The following CPEB1 variants were observed in gnomAD, a reference collection of about 807,000 sequenced individuals.
The protein encoded by CPEB1 is cytoplasmic polyadenylation element-binding protein 1.
Under a neutral mutation model 65.8 loss-of-function variants are expected in CPEB1, and 7 were observed. That is an observed-to-expected ratio of 0.11 (90% confidence interval 0.06 to 0.20). The LOEUF is 0.20. Among genes scored for constraint, CPEB1 ranks in the 10% least tolerant of loss-of-function variants. The pLI is 1.00. For missense variants in CPEB1, 551 were observed against 712.2 expected, an observed-to-expected ratio of 0.77 and a Z score of 2.58; for synonymous variants, 262 against 260.0, an observed-to-expected ratio of 1.01 and a Z score of -0.08.
chr15:82,623,011 T>G (rs1249004874), intron 3 of CPEB1, among the ~76,000 whole-genome samples: 2 of 152,204 alleles, frequency 1.3e-5, no homozygotes, highest in Non-Finnish European at 2.9e-5. Context: ...GCGGGAGGTA[T>G]CTGGTCCCAC....
At chr15:82,581,865 A>C (rs1374666160) in intron 3 of CPEB1, among the ~76,000 whole-genome samples, 1 of 152,222 alleles carries the variant, frequency 6.6e-6, no homozygotes, top group Non-Finnish European at 1.5e-5. Context: ...TGATGGTCCC[A>C]TAGGTAAGTA....
intron 4 of CPEB1, among the ~76,000 whole-genome samples, chr15:82,569,500 C>T (rs1316565951): frequency 6.6e-6 from 1 of 152,196 alleles, no homozygotes; most frequent in African/African-American, 2.4e-5. Context: ...CACTAAAGTG[C>T]TTGGGATGGA....
chr15:82,560,448 G>A (rs1300417963), intron 4 of CPEB1, among the ~76,000 whole-genome samples: 2 of 146,398 alleles, frequency 1.4e-5, no homozygotes, highest in Non-Finnish European at 3.0e-5. Context: ...TGCCCAGGCT[G>A]GAGTGCAGTG....
chr15:82,577,769 T>A (rs901669719), intron 3 of CPEB1, among the ~76,000 whole-genome samples: 2 of 151,870 alleles, frequency 1.3e-5, no homozygotes, highest in Admixed American at 1.3e-4. Context: ...GTGATCTGCC[T>A]GCCCCAGCCT....
Position 82,577,339 on chromosome 15 carries a change from G to A in CPEB1, c.272-5807C>T, listed in dbSNP as rs191728620. Among the ~76,000 whole-genome samples the A allele has an allele frequency of 7.2e-5, 11 of 152,212 alleles. 1 individual carries two copies. Among genetic ancestry groups the A allele is most frequent in the Admixed American group, 5.9e-4 (9 of 15,292 alleles). On this transcript the variant is annotated intron_variant, in intron 3 of 12. Transcript: ENST00000684509. ...CTCTCAAAGTGCTGGGATTACATGT[G>A]TGAGCCACTGTGCCCGACTGCAAAG... is the stretch of plus-strand genomic sequence containing the variant.
At position 82,582,386 on chromosome 15, in the gene CPEB1, T is replaced by TAAGAA. The variant is rs1226962343; in HGVS notation, c.272-10859_272-10855dup. ...AAGCCCTTAATATCCTGGCACCAGC[T>TAAGAA]AAGAAAGTCAGCCACAAAAGAAAGC... is the stretch of plus-strand genomic sequence containing the variant. On this transcript the variant is annotated intron_variant, in intron 3 of 12. Coordinates refer to ENST00000684509, the MANE Select transcript of CPEB1 (RefSeq NM_001365242.1). Among the ~76,000 whole-genome samples, 4 of 152,278 alleles carry TAAGAA rather than the reference T, an allele frequency of 2.6e-5. No homozygotes were observed. In the East Asian group the frequency reaches 7.7e-4, roughly 29 times the overall value.
intron 3 of CPEB1, among the ~76,000 whole-genome samples, chr15:82,624,453 G>A (rs1054967531): frequency 6.6e-6 from 1 of 152,044 alleles, no homozygotes; most frequent in East Asian, 1.9e-4. Flanking sequence ...CACTGCCCAG[G>A]GTCAAGCTTA....
chr15:82,573,197 C>T lies in CPEB1; in HGVS notation c.272-1665G>A, dbSNP rs758385947. The T allele has an allele frequency of 3.4e-6, 5 of 1,491,878 alleles. No homozygotes were observed. The South Asian group carries it at 6.4e-5, about 19-fold the overall frequency. 92.4% of individuals were successfully genotyped at this position (1,491,878 alleles called of 1,614,324 possible). A position where few individuals can be genotyped will look rare whatever the true frequency, so the allele number is the denominator to read the frequency against. On this transcript the variant is annotated intron_variant, in intron 3 of 12. Coordinates refer to ENST00000684509, the MANE Select transcript of CPEB1 (RefSeq NM_001365242.1). Reference sequence around the variant, plus strand: ...TGTGTCCACAGGCACTCAGGCATAGCCTAGAAGGGAAAATTATCAGTCTCC... The same window carrying T: ...TGTGTCCACAGGCACTCAGGCATAGTCTAGAAGGGAAAATTATCAGTCTCC...
At chr15:82,577,893 C>T (rs2040837816) in intron 3 of CPEB1, among the ~76,000 whole-genome samples, 1 of 152,062 alleles carries the variant, frequency 6.6e-6, no homozygotes, top group Non-Finnish European at 1.5e-5. Flanking sequence ...GTAATCCCAG[C>T]ACTTTGGGAG....
At chr15:82,631,320 G>C (rs1596133886) in intron 1 of CPEB1, among the ~76,000 whole-genome samples, 1 of 151,946 alleles carries the variant, frequency 6.6e-6, no homozygotes, top group Non-Finnish European at 1.5e-5. Context: ...CAGAGCTCTA[G>C]CTTAAGATGA....
intron 3 of CPEB1, among the ~76,000 whole-genome samples, chr15:82,580,146 C>T (rs2041125842): frequency 6.6e-6 from 1 of 150,666 alleles, no homozygotes; most frequent in African/African-American, 2.4e-5. Context: ...ATGGTGAAAC[C>T]CCTTCTCTAC....
intron 3 of CPEB1, among the ~76,000 whole-genome samples, chr15:82,606,443 C>G (rs1160361282): frequency 6.8e-6 from 1 of 147,996 alleles, no homozygotes; most frequent in Non-Finnish European, 1.5e-5. Context: ...GCACTCCAAC[C>G]TGGGTGACAC....
At chr15:82,546,383 C>T in intron 12 of CPEB1, 58 bp downstream of exon 12, 2 of 1,425,648 alleles carry the variant, frequency 1.4e-6, no homozygotes, top group East Asian at 2.3e-5. Flanking sequence ...GTGTGAACCA[C>T]CGCGCCCAGC....
At chr15:82,619,336 A>G (rs901885417) in intron 3 of CPEB1, among the ~76,000 whole-genome samples, 6 of 152,232 alleles carry the variant, frequency 3.9e-5, no homozygotes, top group Admixed American at 1.3e-4. Context: ...AGGTAAAACA[A>G]CTTTAGAAAA....
chr15:82,601,881 GGAGA>G (rs1395458157), intron 3 of CPEB1, among the ~76,000 whole-genome samples: 1 of 152,094 alleles, frequency 6.6e-6, no homozygotes, highest in Non-Finnish European at 1.5e-5. Context: ...AACCCTAAAA[GGAGA>G]GATAATTGAG....
chr15:82,544,379 C>T lies in CPEB1; in HGVS notation c.*213G>A. On this transcript the variant is annotated 3_prime_UTR_variant, in exon 13 of 13. Transcript: ENST00000684509. ...GAGGGTAAGCCAGAGGGTCCTTGCCCTTGGTACACCCCCTGAAAACAAAAC... is the reference window on the plus strand; with the variant it reads ...GAGGGTAAGCCAGAGGGTCCTTGCCTTTGGTACACCCCCTGAAAACAAAAC... 1 of 516,398 alleles carries T rather than the reference C, an allele frequency of 1.9e-6. No homozygotes were observed. 32.0% of individuals were successfully genotyped at this position (516,398 alleles called of 1,614,324 possible). A position where few individuals can be genotyped will look rare whatever the true frequency, so the allele number is the denominator to read the frequency against.
intron 3 of CPEB1, chr15:82,571,786 CT>C: frequency 7.9e-7 from 1 of 1,267,904 alleles, no homozygotes; most frequent in Non-Finnish European, 9.9e-7. Flanking sequence ...TGTGATCAGG[CT>C]GCTGATGCTT....
At chr15:82,603,332 C>T (rs1316559905) in intron 3 of CPEB1, among the ~76,000 whole-genome samples, 1 of 150,520 alleles carries the variant, frequency 6.6e-6, no homozygotes, top group Non-Finnish European at 1.5e-5. Flanking sequence ...GTACAGCCAG[C>T]CATTTCCCAT....
At chr15:82,588,919 T>C (rs887477031) in intron 3 of CPEB1, among the ~76,000 whole-genome samples, 48 of 152,212 alleles carry the variant, frequency 3.2e-4, no homozygotes, top group African/African-American at 9.9e-4. Context: ...TGAGTATCTT[T>C]CATGTTAATT....
Sources: allele counts gnomAD v4.1 joint callset (sites outside exome capture counted in the v4.1 genomes callset), GRCh38; gene constraint gnomAD v4.1.1; transcripts MANE v1.5; gene names NCBI Gene and HGNC (gene_info 2026-07-23, HGNC 2026-07-21).